Variants in NCKAP5 observed in about 807,000 individuals in gnomAD.
The protein encoded by NCKAP5 is NCK associated protein 5.
In NCKAP5, 92 loss-of-function variants were observed where a neutral mutation model predicts 167.0. The ratio of observed to expected loss-of-function variants is 0.55; its 90% CI spans 0.47 to 0.66. NCKAP5 has a LOEUF of 0.66. Ranked by LOEUF, NCKAP5 falls within the 30% of genes least tolerant of loss-of-function variation. NCKAP5 has a pLI of 0.00. For missense variants in NCKAP5, 2,378 were observed against 2,315.0 expected (o/e 1.03, Z -0.56); for synonymous variants, 891 against 877.4 (o/e 1.02, Z -0.27).
At chr2:133,615,351 G>A in the NCKAP5 span, among the ~76,000 whole-genome samples, 2 of 149,634 alleles carry the variant, frequency 1.3e-5, no homozygotes, top group African/African-American at 4.9e-5. Flanking sequence ...AGACACAGAC[G>A]GGCAAATTGG....
At chr2:133,087,641 T>C (rs2081036968) in intron 6 of NCKAP5, among the ~76,000 whole-genome samples, 2 of 152,226 alleles carry the variant, frequency 1.3e-5, no homozygotes. Flanking sequence ...ACAGTGGGGC[T>C]TGATGCACAT....
intron 6 of NCKAP5, among the ~76,000 whole-genome samples, chr2:133,109,469 T>C (rs1340539334): frequency 6.6e-6 from 1 of 152,158 alleles, no homozygotes; most frequent in East Asian, 1.9e-4. Flanking sequence ...TGTAAAGAGA[T>C]CTATTAAGAC....
chr2:133,103,932 C>A (rs902861851), intron 6 of NCKAP5, among the ~76,000 whole-genome samples: 1 of 152,050 alleles, frequency 6.6e-6, no homozygotes, highest in Non-Finnish European at 1.5e-5. Context: ...ATAACTCTAT[C>A]TTCTTAGGTA....
intron 16 of NCKAP5, among the ~76,000 whole-genome samples, chr2:132,732,375 G>T (rs550648166): frequency 6.6e-6 from 1 of 152,212 alleles, no homozygotes; most frequent in Admixed American, 6.5e-5. Context: ...CATGGCACAT[G>T]TATACATATG....
chr2:133,316,779 T>C (rs1161463695), intron 3 of NCKAP5, among the ~76,000 whole-genome samples: 1 of 152,138 alleles, frequency 6.6e-6, no homozygotes, highest in East Asian at 1.9e-4. Flanking sequence ...ATTTTCATGG[T>C]AAAAATGTGA....
At chr2:133,244,446 T>C (rs1255691072) in intron 4 of NCKAP5, among the ~76,000 whole-genome samples, 1 of 152,220 alleles carries the variant, frequency 6.6e-6, no homozygotes, top group Non-Finnish European at 1.5e-5. Flanking sequence ...ATAGTATTTA[T>C]ATAACCCTAT....
chr2:133,529,058 G>A (rs966743188), intron 2 of NCKAP5, among the ~76,000 whole-genome samples: 5 of 152,156 alleles, frequency 3.3e-5, no homozygotes, highest in Non-Finnish European at 7.3e-5. Flanking sequence ...TTTCTCTTGT[G>A]AGAAAGTTTC....
At chr2:133,541,703 A>G (rs1686238424) in intron 2 of NCKAP5, among the ~76,000 whole-genome samples, 1 of 152,112 alleles carries the variant, frequency 6.6e-6, no homozygotes, top group African/African-American at 2.4e-5. Flanking sequence ...TAAGAAAAAG[A>G]GTAAAACAAA....
chr2:133,613,628 G>A, the NCKAP5 span, among the ~76,000 whole-genome samples: 140 of 152,246 alleles, frequency 9.2e-4, no homozygotes, highest in African/African-American at 3.0e-3. Context: ...CTCTCCTGCC[G>A]CTCCAGAGGC....
intron 19 of NCKAP5, among the ~76,000 whole-genome samples, chr2:132,691,720 A>C (rs1478094605): frequency 1.3e-5 from 2 of 152,122 alleles, no homozygotes; most frequent in East Asian, 3.9e-4. Context: ...GACCAGAAAC[A>C]TTCCAACAAT....
chr2:133,548,608 A>C (rs1686973713), intron 2 of NCKAP5, among the ~76,000 whole-genome samples: 1 of 152,038 alleles, frequency 6.6e-6, no homozygotes, highest in African/African-American at 2.4e-5. Context: ...TCAACCCAGA[A>C]TTTCATATCC....
At chr2:133,308,183 G>T (rs1335475379) in intron 3 of NCKAP5, among the ~76,000 whole-genome samples, 1 of 148,400 alleles carries the variant, frequency 6.7e-6, no homozygotes, top group Non-Finnish European at 1.5e-5. Context: ...CCGCCTCCCG[G>T]GTTCACGCCA....
chr2:132,707,414 C>T (rs1320264776), intron 19 of NCKAP5, among the ~76,000 whole-genome samples: 1 of 152,228 alleles, frequency 6.6e-6, no homozygotes, highest in Non-Finnish European at 1.5e-5. Flanking sequence ...TCTATATAAA[C>T]TTGAAAGGCA....
intron 3 of NCKAP5, among the ~76,000 whole-genome samples, chr2:133,445,704 T>C (rs906573854): frequency 6.6e-6 from 1 of 152,084 alleles, no homozygotes; most frequent in African/African-American, 2.4e-5. Flanking sequence ...GAGAGACTTT[T>C]TGGCAGCACA....
At chr2:133,674,289 G>A in the NCKAP5 span, among the ~76,000 whole-genome samples, 25 of 152,046 alleles carry the variant, frequency 1.6e-4, no homozygotes, top group East Asian at 1.7e-3. Flanking sequence ...GGCTGGCTGC[G>A]GAATGAATCA....
chr2:133,249,204 G>C (rs975986390), intron 4 of NCKAP5, among the ~76,000 whole-genome samples: 4 of 152,162 alleles, frequency 2.6e-5, no homozygotes, highest in African/African-American at 9.7e-5. Flanking sequence ...TAAAGATCTT[G>C]AGATGGGGAA....
intron 19 of NCKAP5, among the ~76,000 whole-genome samples, chr2:132,676,401 G>C (rs569580165): frequency 7.5e-6 from 1 of 133,564 alleles, no homozygotes; most frequent in African/African-American, 2.8e-5. Flanking sequence ...ATCATCAGTA[G>C]TTTCTCAGTG....
At chr2:133,362,211 C>T (rs1004756968) in intron 3 of NCKAP5, among the ~76,000 whole-genome samples, 1 of 152,138 alleles carries the variant, frequency 6.6e-6, no homozygotes, top group Admixed American at 6.5e-5. Flanking sequence ...TATATTGCTT[C>T]CACCTTTGCT....
chr2:133,563,440 A>G (rs1231377665), intron 1 of NCKAP5, among the ~76,000 whole-genome samples: 2 of 151,802 alleles, frequency 1.3e-5, no homozygotes, highest in African/African-American at 4.8e-5. Context: ...GTGGTGGCAC[A>G]TGCCTGTAAT....
Sources: allele counts gnomAD v4.1 joint callset (sites outside exome capture counted in the v4.1 genomes callset), GRCh38; gene constraint gnomAD v4.1.1; transcripts MANE v1.5; gene names NCBI Gene and HGNC (gene_info 2026-07-23, HGNC 2026-07-21).